LOXL2: variants seen among roughly 807,000 people sequenced by gnomAD.
LOXL2 encodes lysyl oxidase homolog 2.
In LOXL2, 70 loss-of-function variants were observed where a neutral mutation model predicts 93.0. The observed-to-expected ratio is 0.75, with a 90% CI of 0.62 to 0.92. The LOEUF (loss-of-function observed/expected upper bound fraction) is 0.92, where lower values mean the gene tolerates loss of function less well. Ranked by LOEUF, LOXL2 falls within the 40% of genes least tolerant of loss-of-function variation. The pLI, the probability that LOXL2 is intolerant of heterozygous loss-of-function variation, is 0.00. For synonymous variants in LOXL2, 438 were observed against 413.2 expected, an observed-to-expected ratio of 1.06 and a Z score of -0.73; for missense variants, 973 against 1,054.9, an observed-to-expected ratio of 0.92 and a Z score of 1.08.
chr8:23,308,119 C>T (rs1184143906), intron 10 of LOXL2, among the ~76,000 whole-genome samples: 1 of 152,140 alleles, frequency 6.6e-6, no homozygotes, highest in African/African-American at 2.4e-5. Context: ...CCTCTGTGTC[C>T]TTTTCTAGGA....
chr8:23,305,422 C>T (rs943057756), intron 10 of LOXL2, among the ~76,000 whole-genome samples: 3 of 152,164 alleles, frequency 2.0e-5, no homozygotes, highest in Non-Finnish European at 4.4e-5. Flanking sequence ...GGGCATCTCG[C>T]TTTGCCTCTT....
intron 4 of LOXL2, among the ~76,000 whole-genome samples, chr8:23,340,304 G>A (rs960142206): frequency 1.3e-5 from 2 of 152,120 alleles, no homozygotes; most frequent in Non-Finnish European, 2.9e-5. Flanking sequence ...ATTAAGAGGA[G>A]GGAGGAACAC....
intron 1 of LOXL2, among the ~76,000 whole-genome samples, chr8:23,375,285 G>C (rs984063847): frequency 1.3e-5 from 2 of 152,090 alleles, no homozygotes; most frequent in Non-Finnish European, 2.9e-5. Context: ...TGAGGGCTCT[G>C]TTCTGTTCCA....
intron 3 of LOXL2, among the ~76,000 whole-genome samples, chr8:23,352,265 A>G (rs1217862760): frequency 6.6e-6 from 1 of 152,152 alleles, no homozygotes; most frequent in Non-Finnish European, 1.5e-5. Context: ...CTTGCTGAAA[A>G]GTCCGGCACA....
intron 3 of LOXL2, among the ~76,000 whole-genome samples, chr8:23,342,711 A>G (rs7822279): frequency 0.37 from 56,311 of 151,886 alleles, 11,736 homozygotes; most frequent in African/African-American, 0.58. Flanking sequence ...GATTACAGGC[A>G]TGAGCCACCG....
chr8:23,377,013 T>TTC (rs1804605954), intron 1 of LOXL2, among the ~76,000 whole-genome samples: 1 of 152,230 alleles, frequency 6.6e-6, no homozygotes, highest in Non-Finnish European at 1.5e-5. Context: ...GCTTCTCTAG[T>TTC]TCTTTTAATT....
chr8:23,383,808 C>G (rs1183509865), intron 1 of LOXL2, among the ~76,000 whole-genome samples: 3 of 151,512 alleles, frequency 2.0e-5, no homozygotes, highest in Non-Finnish European at 4.4e-5. Context: ...CTACAGGCGC[C>G]CGCCACCACG....
intron 1 of LOXL2, among the ~76,000 whole-genome samples, chr8:23,384,437 T>G (rs528106035): frequency 4.6e-5 from 7 of 152,282 alleles, no homozygotes; most frequent in African/African-American, 1.7e-4. Flanking sequence ...TGCAGTTACT[T>G]CAGCAGAACC....
At chr8:23,342,952 T>C (rs1031798347) in intron 3 of LOXL2, among the ~76,000 whole-genome samples, 2 of 152,106 alleles carry the variant, frequency 1.3e-5, no homozygotes, top group African/African-American at 4.8e-5. Flanking sequence ...GGTCTCACTA[T>C]GTTGCCTAAG....
intron 1 of LOXL2, among the ~76,000 whole-genome samples, chr8:23,389,779 A>G (rs889537401): frequency 5.3e-5 from 8 of 152,184 alleles, no homozygotes; most frequent in Admixed American, 5.2e-4. Flanking sequence ...GCAGGCTTCA[A>G]TGGGACCCCA....
At position 23,348,328 on chromosome 8, in the gene LOXL2, C is replaced by T. The variant is rs148339442; in HGVS notation, c.532-7125G>A. ...GTAAATGATGGGTTGATGGGTGCAGCGGGCCAGCATGGCACATGTATACCT... is the reference window on the plus strand; with the variant it reads ...GTAAATGATGGGTTGATGGGTGCAGTGGGCCAGCATGGCACATGTATACCT... On this transcript the variant is annotated intron_variant, in intron 3 of 13. Coordinates refer to ENST00000389131, the MANE Select transcript of LOXL2 (RefSeq NM_002318.3). 5.1e-3 allele frequency among the ~76,000 whole-genome samples: 775 copies of T among 151,682 alleles called. 46 individuals carry two copies. In the East Asian group the frequency reaches 0.12, roughly 24 times the overall value.
intron 5 of LOXL2, among the ~76,000 whole-genome samples, chr8:23,332,526 A>G (rs1167517936): frequency 2.5e-5 from 1 of 40,418 alleles, no homozygotes; most frequent in Non-Finnish European, 4.4e-5. Flanking sequence ...CCCTACACAC[A>G]CCCCCACTCA....
At chr8:23,354,314 G>A (rs1373612983) in intron 3 of LOXL2, among the ~76,000 whole-genome samples, 1 of 152,162 alleles carries the variant, frequency 6.6e-6, no homozygotes, top group Non-Finnish European at 1.5e-5. Flanking sequence ...GCATGGGAAG[G>A]GACGCGGGTG....
At chr8:23,388,928 A>G (rs927194402) in intron 1 of LOXL2, among the ~76,000 whole-genome samples, 3 of 152,046 alleles carry the variant, frequency 2.0e-5, no homozygotes, top group Non-Finnish European at 4.4e-5. Context: ...AGAACCTTGA[A>G]CTTACTCAAG....
At position 23,368,201 on chromosome 8, in the gene LOXL2, C is replaced by A. The variant is rs748189297; in HGVS notation, c.151G>T (p.Ala51Ser). The change falls in exon 2 of 14, where the codon GCC (alanine) becomes TCC (serine). Residue 51 changes from alanine (A) to serine (S), a missense_variant. By Grantham distance (99) the Ala-to-Ser change is moderately conservative. Coordinates refer to ENST00000389131, the MANE Select transcript of LOXL2 (RefSeq NM_002318.3). The stretch of plus-strand genomic sequence containing the variant: ...CGCAGCTGAATCTTGGCCACGTTGG[C>A]GGGGGCCTGGGGCTGGTGATACTCA... The part of the protein sequence containing the change: ...APEYHQPQAP[A>S]NVAKIQLRLA... The A allele has an allele frequency of 6.2e-7, 1 of 1,613,988 alleles. No homozygotes were observed. Among genetic ancestry groups the A allele is most frequent in the Admixed American group, 1.7e-5 (1 of 60,008 alleles).
chr8:23,306,969 G>C (rs2117143582), intron 10 of LOXL2, among the ~76,000 whole-genome samples: 1 of 152,360 alleles, frequency 6.6e-6, no homozygotes, highest in South Asian at 2.1e-4. Flanking sequence ...AAATTTCCAA[G>C]GGGGCCAATC....
rs1478897558 is a variant in LOXL2, at chr8:23,309,803, G to A, written c.1745C>T (p.Ala582Val). ...GGTGGGGTCGGTCTGCGCGGCTGAG[G>A]CCGAGAGGCAGTTCTCCTCCATGGC... is the stretch of plus-strand genomic sequence containing the variant. ...QCAMEENCLS[A>V]SAAQTDPTTG... Residue 582 changes from alanine (A) to valine (V), a missense_variant, in exon 10 of 14, where the codon GCC becomes GTC. Coordinates refer to ENST00000389131, the MANE Select transcript of LOXL2 (RefSeq NM_002318.3). The A allele has an allele frequency of 8.7e-6, 14 of 1,604,172 alleles. No homozygotes were observed. The highest frequency in any genetic ancestry group is 1.1e-5 in the Non-Finnish European group (13 of 1,175,632).
intron 10 of LOXL2, among the ~76,000 whole-genome samples, chr8:23,306,376 G>A (rs918274316): frequency 2.0e-5 from 3 of 152,196 alleles, no homozygotes; most frequent in African/African-American, 4.8e-5. Flanking sequence ...GCTCTGCCAC[G>A]GTGGGGGCAA....
rs369165662 is a variant in LOXL2, at chr8:23,371,568, C to T, written c.-83-3134G>A. ...GAGATCAAGCCCATCCCGGCTAACA[C>T]GGTGAAACCCCGTCTCTACTAAAAA... On this transcript the variant is annotated intron_variant, in intron 1 of 13. Coordinates refer to ENST00000389131, the MANE Select transcript of LOXL2 (RefSeq NM_002318.3). Among the ~76,000 whole-genome samples the T allele has an allele frequency of 4.4e-4, 67 of 151,532 alleles. 2 individuals carry two copies. In the South Asian group the frequency reaches 6.5e-3, roughly 15 times the overall value.
Sources: gnomAD v4.1 joint callset for allele counts (sites outside exome capture counted in the v4.1 genomes callset) on GRCh38, gnomAD v4.1.1 for gene constraint, MANE v1.5 for transcripts, NCBI Gene and HGNC (gene_info 2026-07-23, HGNC 2026-07-21) for gene names.